The following CR1 variants were observed in gnomAD, a reference collection of about 807,000 sequenced individuals.
CR1 encodes complement C3b/C4b receptor 1 (Knops blood group).
A neutral mutation model predicts 187.3 loss-of-function variants in CR1; 116 were observed. That is an observed-to-expected ratio of 0.62 (90% CI 0.53 to 0.72). The LOEUF (loss-of-function observed/expected upper bound fraction) is 0.72. CR1 is among the 30% of genes least tolerant of loss of function. The pLI is 0.00. For missense variants in CR1, 1,731 were observed against 2,110.7 expected, an observed-to-expected ratio of 0.82 and a Z score of 3.52; for synonymous variants, 576 against 747.1, an observed-to-expected ratio of 0.77 and a Z score of 3.73.
At position 207,596,367 on chromosome 1, in the gene CR1, A is replaced by G. The variant is rs867733799; in HGVS notation, c.5810+7593A>G. On this transcript the variant is annotated intron_variant, in intron 35 of 46. Coordinates refer to ENST00000367049, the MANE Select transcript of CR1 (RefSeq NM_000651.6). ...TGTGGCTCATGCCTGTAATCCCAGC[A>G]CTTTGGGAGGCTGAGGCGGGCAGAA... 1.3e-4 allele frequency among the ~76,000 whole-genome samples: 20 copies of G among 152,146 alleles called. 1 individual carries two copies. In the Middle Eastern group the frequency reaches 0.02, roughly 155 times the overall value.
intron 4 of CR1, among the ~76,000 whole-genome samples, chr1:207,515,026 CATAT>C (rs71570063): frequency 2.1e-5 from 3 of 141,746 alleles, no homozygotes; most frequent in Admixed American, 7.1e-5. Flanking sequence ...CACACACACA[CATAT>C]ATACATATAT....
At chr1:207,612,093 C>A (rs1661952680) in intron 39 of CR1, 52 bp downstream of exon 39, 2 of 1,534,994 alleles carry the variant, frequency 1.3e-6, no homozygotes, top group Non-Finnish European at 1.8e-6. Flanking sequence ...GAATCACTCT[C>A]TTGAGATCAG....
intron 46 of CR1, among the ~76,000 whole-genome samples, chr1:207,634,678 G>A (rs55856103): frequency 3.9e-3 from 586 of 152,146 alleles, no homozygotes; most frequent in Non-Finnish European, 5.5e-3. Flanking sequence ...CACCATTCCC[G>A]GCCTTAAAAG....
At chr1:207,600,464 T>C (rs1401411369) in intron 35 of CR1, among the ~76,000 whole-genome samples, 2 of 152,082 alleles carry the variant, frequency 1.3e-5, no homozygotes, top group African/African-American at 4.8e-5. Context: ...CTCAATAAAT[T>C]TGCACATAGA....
At chr1:207,599,353 G>A (rs1661540434) in intron 35 of CR1, among the ~76,000 whole-genome samples, 1 of 152,196 alleles carries the variant, frequency 6.6e-6, no homozygotes, top group Non-Finnish European at 1.5e-5. Context: ...GACGGAAGTA[G>A]AGGTAAATAG....
chr1:207,496,218 T>C lies in CR1; in HGVS notation c.-50T>C. ...TATTTTCGCTGAGCTTTTCCTCTTATTTCAGTTTTCTTCGAGATCAAATCT... is the reference window on the plus strand; with the variant it reads ...TATTTTCGCTGAGCTTTTCCTCTTACTTCAGTTTTCTTCGAGATCAAATCT... On this transcript the variant is annotated 5_prime_UTR_variant, in exon 1 of 47. Transcript: ENST00000367049. 1.9e-6 allele frequency: 3 copies of C among 1,613,288 alleles called. No individual in the cohort carries two copies. Among genetic ancestry groups the C allele is most frequent in the Non-Finnish European group, 2.5e-6 (3 of 1,179,660 alleles).
At chr1:207,496,450 G>A (rs1236224562) in intron 1 of CR1, 62 bp downstream of exon 1, 11 of 1,514,480 alleles carry the variant, frequency 7.3e-6, no homozygotes, top group Non-Finnish European at 9.8e-6. Context: ...GCCCCGCAGA[G>A]AACTCGCGTG....
intron 4 of CR1, among the ~76,000 whole-genome samples, chr1:207,514,341 T>C (rs1444473680): frequency 6.6e-6 from 1 of 152,030 alleles, no homozygotes; most frequent in Non-Finnish European, 1.5e-5. Context: ...CACAAAGTTG[T>C]GTGTTATGGT....
At chr1:207,614,534 C>A in intron 40 of CR1, 45 bp downstream of exon 40, 1 of 1,480,604 alleles carries the variant, frequency 6.8e-7, no homozygotes, top group Non-Finnish European at 9.4e-7. Context: ...TCCTTATTTT[C>A]GTTTTCCAGC....
chr1:207,577,293 T>C (rs994515220), intron 28 of CR1, among the ~76,000 whole-genome samples: 1 of 151,364 alleles, frequency 6.6e-6, no homozygotes, highest in African/African-American at 2.4e-5. Flanking sequence ...ACTCTAATAA[T>C]ACATGGATAC....
At chr1:207,593,082 T>TAAAAAAAAAAAAAAAAAA (rs778842599) in intron 35 of CR1, among the ~76,000 whole-genome samples, 2 of 59,934 alleles carry the variant, frequency 3.3e-5, no homozygotes, top group Non-Finnish European at 5.0e-5. Context: ...TTCACAGAAT[T>TAAAAAAAAAAAAAAAAAA]ACAAAAAAAA....
chr1:207,600,182 T>C (rs993884673), intron 35 of CR1, among the ~76,000 whole-genome samples: 8 of 152,292 alleles, frequency 5.3e-5, no homozygotes, highest in African/African-American at 1.2e-4. Flanking sequence ...CTGTGAGCCA[T>C]AGGGTGACAA....
intron 43 of CR1, among the ~76,000 whole-genome samples, chr1:207,620,342 T>G (rs1026689731): frequency 2.0e-5 from 3 of 152,204 alleles, no homozygotes; most frequent in Non-Finnish European, 2.9e-5. Flanking sequence ...CCTACGAGCC[T>G]TACAAGAAAT....
At position 207,499,228 on chromosome 1, in the gene CR1, A is replaced by C. The variant is rs764444491; in HGVS notation, c.121+2840A>C. On this transcript the variant is annotated intron_variant, in intron 1 of 46. Coordinates refer to ENST00000367049, the MANE Select transcript of CR1 (RefSeq NM_000651.6). ...TAGCTGTGTTAATTTCAAACACAGC[A>C]GACTTCAGACCAAGAAAAATTATTA... Among the ~76,000 whole-genome samples the C allele has an allele frequency of 1.1e-4, 16 of 152,366 alleles. No homozygotes were observed. The South Asian group carries it at 2.7e-3, about 26-fold the overall frequency.
chr1:207,607,261 A>G lies in CR1; in HGVS notation c.5821A>G (p.Ile1941Val). ...NYSCNEGFRL[I>V]GSPSTTCLVS... ...TATCCTTTGCTTTAGGTTTCGACTC[A>G]TTGGTTCCCCATCTACTACTTGTCT... is the stretch of plus-strand genomic sequence containing the variant. The change falls in exon 36 of 47, where the codon ATT becomes GTT. Residue 1941 changes from isoleucine (I) to valine (V), a missense_variant. Physicochemically the swap from Ile to Val is conservative, Grantham distance 29 (BLOSUM62 3). Coordinates refer to ENST00000367049, the MANE Select transcript of CR1 (RefSeq NM_000651.6). The G allele has an allele frequency of 1.2e-6, 2 of 1,613,304 alleles. No individual in the cohort carries two copies. The highest frequency in any genetic ancestry group is 1.7e-6 in the Non-Finnish European group (2 of 1,179,294).
At chr1:207,620,651 A>G (rs1284260147) in intron 43 of CR1, among the ~76,000 whole-genome samples, 1 of 152,136 alleles carries the variant, frequency 6.6e-6, no homozygotes, top group Non-Finnish European at 1.5e-5. Flanking sequence ...CTTCTAATAC[A>G]TGGTTCTACA....
rs747640660 is a variant in CR1 at position 207,568,072 on chromosome 1, G to T, written c.4171+30G>T. Reference sequence around the variant, plus strand: ...GTGCTCATTTCCCCACATCCCTAATGGGTTCAGAATATCTAACCCAGCCCC... The same window carrying T: ...GTGCTCATTTCCCCACATCCCTAATTGGTTCAGAATATCTAACCCAGCCCC... On this transcript the variant is annotated intron_variant, in intron 25 of 46. Coordinates refer to ENST00000367049, the MANE Select transcript of CR1 (RefSeq NM_000651.6). 2.5e-6 allele frequency: 4 copies of T among 1,610,654 alleles called. No homozygotes were observed. The Admixed American group carries it at 6.7e-5, about 27-fold the overall frequency.
At chr1:207,508,504 G>C (rs534935371) in intron 3 of CR1, among the ~76,000 whole-genome samples, 1 of 152,252 alleles carries the variant, frequency 6.6e-6, no homozygotes, top group African/African-American at 2.4e-5. Context: ...ATAAATACAT[G>C]GGCATATGTG....
rs763144618 is a variant in CR1, at chr1:207,612,048, G to A, written c.6575+7G>A. 6.2e-7 allele frequency: 1 copy of A among 1,613,288 alleles called. No individual in the cohort carries two copies. On this transcript the variant is annotated splice_region_variant and intron_variant, in intron 39 of 46. Transcript: ENST00000367049. ...CCTTTGTTTGCGATGAAGGGTGAGT[G>A]TGACCCAGCGTTGAGACCAAGGACT...
Sources: allele counts gnomAD v4.1 joint callset (sites outside exome capture counted in the v4.1 genomes callset), GRCh38; gene constraint gnomAD v4.1.1; transcripts MANE v1.5; gene names NCBI Gene and HGNC (gene_info 2026-07-23, HGNC 2026-07-21).